Variants in OTOGL observed in about 807,000 individuals in gnomAD.
OTOGL encodes otogelin like, also known as otogelin-like protein.
In OTOGL, 285 loss-of-function variants were observed where a neutral mutation model predicts 318.5. The observed-to-expected ratio is 0.89, with a 90% CI of 0.81 to 0.99. The LOEUF is 0.99. OTOGL is among the 50% of genes least tolerant of loss of function. The pLI is 0.00. For synonymous variants in OTOGL, 987 were observed against 936.5 expected, an observed-to-expected ratio of 1.05 and a Z score of -0.99; for missense variants, 2,899 against 2,845.6, an observed-to-expected ratio of 1.02 and a Z score of -0.43.
At chr12:80,350,646 T>G (rs1226377676) in intron 44 of OTOGL, among the ~76,000 whole-genome samples, 4 of 152,234 alleles carry the variant, frequency 2.6e-5, no homozygotes, top group Non-Finnish European at 5.9e-5. Flanking sequence ...TGTACTTTTC[T>G]GATGATTAAT....
intron 1 of OTOGL, among the ~76,000 whole-genome samples, chr12:80,100,449 A>C (rs115308625): frequency 6.6e-6 from 1 of 152,142 alleles, no homozygotes; most frequent in Non-Finnish European, 1.5e-5. Flanking sequence ...ATAAATATGT[A>C]TAACTATTAT....
At chr12:80,216,128 AAC>A (rs60189393) in intron 4 of OTOGL, among the ~76,000 whole-genome samples, 5,282 of 152,226 alleles carry the variant, frequency 0.035, 307 homozygotes, top group African/African-American at 0.12. Context: ...CAGCCCAGGA[AAC>A]ACAGCGAGAC....
At chr12:80,323,928 C>A in intron 35 of OTOGL, 88 bp downstream of exon 35, 1 of 1,004,732 alleles carries the variant, frequency 1.0e-6, no homozygotes, top group Non-Finnish European at 1.5e-6. Context: ...TAAAAACAGC[C>A]ATTCTCAAGT....
At position 80,238,898 on chromosome 12, in the gene OTOGL, C is replaced by T. The variant is rs1229332465; in HGVS notation, c.865C>T (p.Gln289Ter). 2 of 1,585,756 alleles carry T rather than the reference C, an allele frequency of 1.3e-6. No homozygotes were observed. The highest frequency in any genetic ancestry group is 2.7e-5 in the African/African-American group (2 of 74,758). ...TATGTTTGCAAATAGTTGGTCGGTGCAAACTCCAGATGACACCAAATGTGT... is the reference window on the plus strand; with the variant it reads ...TATGTTTGCAAATAGTTGGTCGGTGTAAACTCCAGATGACACCAAATGTGT... ...IAMFANSWSV[Q>*]TPDDTKCVLT... Residue 289 changes from glutamine to a stop codon, truncating the protein, a stop_gained, in exon 10 of 59, where the codon CAA becomes TAA. Transcript: ENST00000547103. LOFTEE classifies it high-confidence loss of function.
intron 3 of OTOGL, among the ~76,000 whole-genome samples, 189 bp downstream of exon 3, chr12:80,211,075 A>G (rs997173673): frequency 6.6e-6 from 1 of 152,154 alleles, no homozygotes; most frequent in African/African-American, 2.4e-5. Context: ...ATTTATGAAA[A>G]TATTTCCTTT....
At chr12:80,333,560 C>T (rs1888211727) in intron 38 of OTOGL, among the ~76,000 whole-genome samples, 1 of 151,836 alleles carries the variant, frequency 6.6e-6, no homozygotes, top group Non-Finnish European at 1.5e-5. Context: ...TTATTTAGCA[C>T]CATTTCTGGC....
At chr12:80,281,042 G>T (rs559718732) in intron 26 of OTOGL, among the ~76,000 whole-genome samples, 1 of 151,686 alleles carries the variant, frequency 6.6e-6, no homozygotes, top group South Asian at 2.1e-4. Context: ...TTCTACATTG[G>T]TTTTGTATCC....
chr12:80,167,993 CTT>C (rs1873939118), intron 1 of OTOGL, among the ~76,000 whole-genome samples: 1 of 151,684 alleles, frequency 6.6e-6, no homozygotes, highest in African/African-American at 2.4e-5. Flanking sequence ...CCTCTCTTCT[CTT>C]CTCTTCTTTT....
intron 1 of OTOGL, among the ~76,000 whole-genome samples, chr12:80,192,599 TGAAGCA>T: frequency 6.6e-6 from 1 of 152,340 alleles, no homozygotes; most frequent in Admixed American, 6.5e-5. Context: ...CAAGATGCTG[TGAAGCA>T]TTACCCAACT....
intron 16 of OTOGL, among the ~76,000 whole-genome samples, 157 bp downstream of exon 16, chr12:80,255,342 GA>G (rs1341590009): frequency 3.9e-5 from 6 of 152,076 alleles, no homozygotes; most frequent in Admixed American, 3.9e-4. Context: ...CTACATATTA[GA>G]AAGAAGTGTT....
chr12:80,231,917 G>A (rs1385806595), intron 8 of OTOGL, among the ~76,000 whole-genome samples: 1 of 151,702 alleles, frequency 6.6e-6, no homozygotes, highest in East Asian at 1.9e-4. Flanking sequence ...AATTACAGGC[G>A]TGAGCCACCG....
At chr12:80,158,229 TATTTATAAC>T (rs1873257554) in intron 1 of OTOGL, among the ~76,000 whole-genome samples, 1 of 152,166 alleles carries the variant, frequency 6.6e-6, no homozygotes, top group South Asian at 2.1e-4. Context: ...GACATGAAGC[TATTTATAAC>T]ATTTATATAC....
At chr12:80,166,732 G>T (rs1044701264) in intron 1 of OTOGL, among the ~76,000 whole-genome samples, 6 of 152,094 alleles carry the variant, frequency 3.9e-5, no homozygotes, top group African/African-American at 1.4e-4. Context: ...CCTATTATTT[G>T]TTCATATATA....
At chr12:80,271,559 G>T in intron 23 of OTOGL, 89 bp from the exon 24 acceptor site, 3 of 1,271,176 alleles carry the variant, frequency 2.4e-6, no homozygotes, top group Non-Finnish European at 3.3e-6. Context: ...AATAGGTTTA[G>T]AATAAACCTA....
chr12:80,133,966 CCAAA>C (rs981346304), intron 1 of OTOGL, among the ~76,000 whole-genome samples: 16 of 151,786 alleles, frequency 1.1e-4, no homozygotes, highest in Admixed American at 1.3e-4. Context: ...AACAAAAAAC[CCAAA>C]CAAACAAAAT....
intron 26 of OTOGL, among the ~76,000 whole-genome samples, chr12:80,288,780 A>T (rs1400441555): frequency 6.6e-6 from 1 of 151,988 alleles, no homozygotes; most frequent in Non-Finnish European, 1.5e-5. Context: ...TGGTTATTTT[A>T]GTTAGCAGTT....
At chr12:80,244,205 A>G (rs893240668) in intron 11 of OTOGL, among the ~76,000 whole-genome samples, 1 of 149,628 alleles carries the variant, frequency 6.7e-6, no homozygotes, top group African/African-American at 2.5e-5. Flanking sequence ...GTTTTAGGGT[A>G]CATGTGCACA....
At chr12:80,305,381 G>A (rs555350557) in intron 28 of OTOGL, among the ~76,000 whole-genome samples, 195 bp from the exon 29 acceptor site, 10 of 152,170 alleles carry the variant, frequency 6.6e-5, no homozygotes, top group African/African-American at 2.4e-4. Flanking sequence ...AAATATTTTT[G>A]CAAATTTAAA....
intron 1 of OTOGL, among the ~76,000 whole-genome samples, chr12:80,146,636 T>G (rs367761813): frequency 6.6e-6 from 1 of 151,948 alleles, no homozygotes; most frequent in African/African-American, 2.4e-5. Flanking sequence ...AGGAATGGTA[T>G]CAGTTCCTCC....
Sources: gnomAD v4.1 joint callset for allele counts (sites outside exome capture counted in the v4.1 genomes callset) on GRCh38, gnomAD v4.1.1 for gene constraint, MANE v1.5 for transcripts, NCBI Gene and HGNC (gene_info 2026-07-23, HGNC 2026-07-21) for gene names.